ABCC4: variants seen among roughly 807,000 people sequenced by gnomAD.
ABCC4 encodes the protein ATP-binding cassette sub-family C member 4.
Under a neutral mutation model 168.5 loss-of-function variants are expected in ABCC4, and 102 were observed. That is an observed-to-expected ratio of 0.61 (90% CI 0.52 to 0.71). The LOEUF (loss-of-function observed/expected upper bound fraction) is 0.71, where lower values mean the gene tolerates loss of function less well. Ranked by LOEUF, ABCC4 falls within the 30% of genes least tolerant of loss-of-function variation. The pLI is 0.00. For synonymous variants in ABCC4, 617 were observed against 590.7 expected (o/e 1.04, Z -0.65); for missense variants, 1,402 against 1,605.8 (o/e 0.87, Z 2.17).
chr13:95,214,136 C>T (rs1594312430), intron 4 of ABCC4, among the ~76,000 whole-genome samples: 1 of 152,058 alleles, frequency 6.6e-6, no homozygotes, highest in Non-Finnish European at 1.5e-5. Flanking sequence ...AAAGGTAATA[C>T]CTGAAATGAA....
At chr13:95,075,777 C>A in intron 21 of ABCC4, 2 of 447,960 alleles carry the variant, frequency 4.5e-6, no homozygotes, top group Non-Finnish European at 7.8e-6. Context: ...TGGAAATAAA[C>A]GTCCTATTTT....
At position 95,295,930 on chromosome 13, in the gene ABCC4, G is replaced by A. The variant is rs1163724684; in HGVS notation, c.74+5311C>T. ...TGCAGTGAGCTGAGATCACACCACTGCACTCCAGCCTGGGTGACAGTGAGA... is the reference window on the plus strand; with the variant it reads ...TGCAGTGAGCTGAGATCACACCACTACACTCCAGCCTGGGTGACAGTGAGA... On this transcript the variant is annotated intron_variant, in intron 1 of 30. Coordinates refer to ENST00000645237, the MANE Select transcript of ABCC4 (RefSeq NM_005845.5). 2.7e-5 allele frequency among the ~76,000 whole-genome samples: 4 copies of A among 145,466 alleles called. No individual in the cohort carries two copies. The Admixed American group carries it at 2.8e-4, about 10-fold the overall frequency.
intron 20 of ABCC4, among the ~76,000 whole-genome samples, chr13:95,093,630 A>G (rs1460170511): frequency 1.3e-5 from 2 of 152,160 alleles, no homozygotes; most frequent in African/African-American, 2.4e-5. Context: ...GGAGAACTGG[A>G]ACAAGACAAG....
chr13:95,177,627 G>A (rs2037749419), intron 13 of ABCC4, 80 bp downstream of exon 13: 1 of 1,166,042 alleles, frequency 8.6e-7, no homozygotes, highest in South Asian at 1.4e-5. Context: ...AGGATGAGCT[G>A]AAAGCCATAA....
intron 1 of ABCC4, among the ~76,000 whole-genome samples, chr13:95,255,929 C>T (rs1396643158): frequency 6.6e-6 from 1 of 152,164 alleles, no homozygotes; most frequent in Non-Finnish European, 1.5e-5. Context: ...ACAGGGCCCT[C>T]ACTTTATAAT....
chr13:95,177,733 C>A lies in ABCC4; in HGVS notation c.1701G>T (p.Ala567=), dbSNP rs1472523465. 1 of 1,610,716 alleles carries A rather than the reference C, an allele frequency of 6.2e-7. No individual in the cohort carries two copies. The highest frequency in any genetic ancestry group is 8.5e-7 in the Non-Finnish European group (1 of 1,177,356). Residue 567 remains alanine (A), a synonymous_variant, in exon 13 of 31, where the codon GCG becomes GCT. Coordinates refer to ENST00000645237, the MANE Select transcript of ABCC4 (RefSeq NM_005845.5). ...LLDDPLSAVD[A]EVSRHLFELC... ...GTTCGAACAAGTGTCTGCTAACTTC[C>A]GCATCTACTGCACTGAGAGGATCGT...
chr13:95,163,123 T>G lies in ABCC4; in HGVS notation c.2307A>C (p.Ser769=), dbSNP rs1469098070. The change falls in exon 18 of 31, where the codon TCA becomes TCC. Residue 769 remains serine, a splice_region_variant and synonymous_variant. Coordinates refer to ENST00000645237, the MANE Select transcript of ABCC4 (RefSeq NM_005845.5). ...LDLNWYLGIY[S]GLTVATVLFG... ...ATACACCAAATGATTAAACTTTACC[T>G]GAATAAATTCCTAAGTACCAGTTAA... 6.2e-7 allele frequency: 1 copy of G among 1,604,908 alleles called. No individual in the cohort carries two copies. Among genetic ancestry groups the G allele is most frequent in the East Asian group, 2.2e-5 (1 of 44,826 alleles).
intron 20 of ABCC4, among the ~76,000 whole-genome samples, chr13:95,109,383 G>T (rs2035123893): frequency 9.9e-6 from 1 of 101,396 alleles, no homozygotes; most frequent in Non-Finnish European, 2.0e-5. Context: ...GTGAGCCACA[G>T]GTGTGCAAAC....
intron 19 of ABCC4, among the ~76,000 whole-genome samples, chr13:95,127,198 T>A (rs1053421273): frequency 6.6e-5 from 10 of 152,224 alleles, no homozygotes; most frequent in Admixed American, 3.9e-4. Context: ...CTCATCCTCA[T>A]TGCTCTTGAC....
rs2041579485 is a variant in ABCC4 at position 95,298,048 on chromosome 13, G to A, written c.74+3193C>T. On this transcript the variant is annotated intron_variant, in intron 1 of 30. Coordinates refer to ENST00000645237, the MANE Select transcript of ABCC4 (RefSeq NM_005845.5). ...TCATGCCTGTAATCCCAGCATTTTT[G>A]GAGGCCAAGGCGGGCAGATCACCTG... 2.0e-5 allele frequency among the ~76,000 whole-genome samples: 3 copies of A among 152,104 alleles called. No homozygotes were observed. The South Asian group carries it at 6.2e-4, about 32-fold the overall frequency.
intron 20 of ABCC4, among the ~76,000 whole-genome samples, chr13:95,111,830 A>T (rs983921027): frequency 7.2e-5 from 11 of 152,238 alleles, no homozygotes; most frequent in African/African-American, 2.4e-4. Flanking sequence ...AGAGTAATAA[A>T]ATCTGTGCAT....
chr13:95,055,500 G>A (rs2033018763), intron 26 of ABCC4: 3 of 152,140 alleles, frequency 2.0e-5, no homozygotes, highest in South Asian at 2.1e-4. Flanking sequence ...TTTTTCATTA[G>A]GGTTTAAAGG....
Position 95,025,209 on chromosome 13 carries a change from CCCCCCACACA to C in ABCC4, c.3871-3537_3871-3528del, listed in dbSNP as rs71111583. On this transcript the variant is annotated intron_variant, in intron 30 of 30. Transcript: ENST00000645237. ...CACACCCACACCACACACCCCCACA[CCCCCCACACA>C]CCCCCACACACACCCATACACACAC... 7.0e-3 allele frequency among the ~76,000 whole-genome samples: 427 copies of C among 60,716 alleles called. 1 individual carries two copies. Among genetic ancestry groups the C allele is most frequent in the Middle Eastern group, 0.025 (3 of 120 alleles). The allele number at this position is 60,716 out of a possible 152,430, so 39.8% of individuals were successfully genotyped here.
intron 4 of ABCC4, among the ~76,000 whole-genome samples, chr13:95,218,905 A>AAG (rs1156394678): frequency 4.5e-5 from 2 of 44,220 alleles, no homozygotes; most frequent in East Asian, 9.7e-4. Context: ...GAGAGAGAGA[A>AAG]AGAGAGAGAG....
intron 19 of ABCC4, among the ~76,000 whole-genome samples, chr13:95,132,120 G>A (rs1253784929): frequency 2.6e-5 from 4 of 152,110 alleles, no homozygotes; most frequent in Non-Finnish European, 5.9e-5. Flanking sequence ...TATCTGTGTG[G>A]GATTGGTTCC....
intron 19 of ABCC4, among the ~76,000 whole-genome samples, chr13:95,134,710 ACT>A (rs1462486152): frequency 3.3e-5 from 5 of 152,022 alleles, no homozygotes; most frequent in African/African-American, 4.8e-5. Flanking sequence ...ACAGAGCAAG[ACT>A]CTGTCTCAAA....
chr13:95,084,604 G>C (rs2034197155), intron 20 of ABCC4, among the ~76,000 whole-genome samples: 1 of 151,674 alleles, frequency 6.6e-6, no homozygotes, highest in Admixed American at 6.6e-5. Context: ...GAAGAGGTTT[G>C]ATAACAAGAA....
In ABCC4 at chr13:95,053,290, A is replaced by T. The variant is rs901346266; in HGVS notation, c.3367-106T>A. On this transcript the variant is annotated intron_variant, in intron 26 of 30. Coordinates refer to ENST00000645237, the MANE Select transcript of ABCC4 (RefSeq NM_005845.5). ...AAGATACCAAAAAATAAAATTCATG[A>T]TAATAATTATAGCGTTACAAATGCC... 2.3e-5 allele frequency: 20 copies of T among 861,508 alleles called. No homozygotes were observed. The African/African-American group carries it at 2.4e-4, about 10-fold the overall frequency. The allele number at this position is 861,508 out of a possible 1,614,324, so 53.4% of individuals were successfully genotyped here. A position where few individuals can be genotyped will look rare whatever the true frequency, so the allele number is the denominator to read the frequency against.
chr13:95,083,371 A>G (rs1013103163), intron 20 of ABCC4, 81 bp from the exon 21 acceptor site: 1 of 1,501,360 alleles, frequency 6.7e-7, no homozygotes, highest in African/African-American at 1.4e-5. Flanking sequence ...TGTTAGGATT[A>G]CACTCCTTTC....
Sources: gnomAD v4.1 joint callset for allele counts (sites outside exome capture counted in the v4.1 genomes callset) on GRCh38, gnomAD v4.1.1 for gene constraint, MANE v1.5 for transcripts, NCBI Gene and HGNC (gene_info 2026-07-23, HGNC 2026-07-21) for gene names.